Variants in NCOA2 observed in about 807,000 individuals in gnomAD.
NCOA2 encodes the protein class E basic helix-loop-helix protein 75.
In NCOA2, 21 loss-of-function variants were observed where a neutral mutation model predicts 145.1. That is an observed-to-expected ratio of 0.14 (90% CI 0.10 to 0.21). The LOEUF is 0.21. NCOA2 is among the 10% of genes least tolerant of loss of function. The pLI, the probability that NCOA2 is intolerant of heterozygous loss-of-function variation, is 1.00. For missense variants in NCOA2, 1,472 were observed against 1,837.6 expected (o/e 0.80, Z 3.64); for synonymous variants, 619 against 637.5 (o/e 0.97, Z 0.44).
the NCOA2 span, among the ~76,000 whole-genome samples, chr8:70,414,607 G>A: frequency 6.6e-6 from 1 of 152,144 alleles, no homozygotes; most frequent in Non-Finnish European, 1.5e-5. Flanking sequence ...GCATATGATG[G>A]TTATGTTTTA....
At chr8:70,348,528 G>A (rs1808882309) in intron 1 of NCOA2, among the ~76,000 whole-genome samples, 1 of 152,206 alleles carries the variant, frequency 6.6e-6, no homozygotes, top group South Asian at 2.1e-4. Context: ...AGACAGGGAG[G>A]TGTTACAGTA....
At chr8:70,211,093 G>A (rs1818968920) in intron 4 of NCOA2, among the ~76,000 whole-genome samples, 1 of 152,076 alleles carries the variant, frequency 6.6e-6, no homozygotes, top group Non-Finnish European at 1.5e-5. Context: ...AAATCAAACT[G>A]GCCCAAACAG....
chr8:70,390,625 G>A (rs1264156399), intron 1 of NCOA2, among the ~76,000 whole-genome samples: 1 of 151,772 alleles, frequency 6.6e-6, no homozygotes, highest in Non-Finnish European at 1.5e-5. Flanking sequence ...AAATTAGTCG[G>A]ACATAGTGGC....
At chr8:70,267,012 T>G (rs1161597849) in intron 2 of NCOA2, among the ~76,000 whole-genome samples, 1 of 152,248 alleles carries the variant, frequency 6.6e-6, no homozygotes, top group Non-Finnish European at 1.5e-5. Context: ...TCTAATTTTT[T>G]GACCCAAAAT....
intron 13 of NCOA2, among the ~76,000 whole-genome samples, chr8:70,142,677 T>A (rs1215122245): frequency 1.3e-5 from 2 of 152,232 alleles, no homozygotes; most frequent in South Asian, 4.1e-4. Context: ...CCAGCCTGGG[T>A]GACAAAGTAA....
At chr8:70,417,420 G>A in the NCOA2 span, among the ~76,000 whole-genome samples, 306 of 151,766 alleles carry the variant, frequency 2.0e-3, 1 homozygote, top group African/African-American at 7.1e-3. Context: ...ATGGTGGTGG[G>A]CGCCTGTAAT....
Position 70,156,073 on chromosome 8 carries a change from G to A in NCOA2, c.2292C>T (p.Pro764=), listed in dbSNP as rs1812255053. 6.2e-7 allele frequency: 1 copy of A among 1,613,760 alleles called. No individual in the cohort carries two copies. Among genetic ancestry groups the A allele is most frequent in the Non-Finnish European group, 8.5e-7 (1 of 1,179,846 alleles). ...TCTTACTGTCCAGTCTCTCAAGTTT[G>A]GGGGTTATTTCTGGTAAACCAATAT... The part of the protein sequence containing the change: ...TKDIGLPEIT[P]KLERLDSKTD... Residue 764 remains proline (P), a synonymous_variant, in exon 11 of 23, where the codon CCC becomes CCT. Coordinates refer to ENST00000452400, the MANE Select transcript of NCOA2 (RefSeq NM_006540.4).
chr8:70,274,438 C>A (rs1250080402), intron 2 of NCOA2, among the ~76,000 whole-genome samples: 6 of 152,180 alleles, frequency 3.9e-5, no homozygotes, highest in African/African-American at 1.4e-4. Flanking sequence ...ATCTTGCCAT[C>A]TGTAAGTGCT....
chr8:70,230,140 A>G (rs903929339), intron 2 of NCOA2, among the ~76,000 whole-genome samples: 1 of 152,216 alleles, frequency 6.6e-6, no homozygotes, highest in Admixed American at 6.5e-5. Context: ...GTTACGCTAG[A>G]AAGATTAGCA....
At chr8:70,180,384 C>T (rs758421280) in intron 4 of NCOA2, among the ~76,000 whole-genome samples, 7 of 152,110 alleles carry the variant, frequency 4.6e-5, no homozygotes, top group African/African-American at 1.7e-4. Flanking sequence ...CATTTGCCCG[C>T]GCTCCAGAAA....
At chr8:70,115,263 G>A (rs1026476166) in intron 22 of NCOA2, among the ~76,000 whole-genome samples, 2 of 152,112 alleles carry the variant, frequency 1.3e-5, no homozygotes, top group African/African-American at 4.8e-5. Context: ...CAATTCTCCT[G>A]CCTCAGCCTC....
At chr8:70,171,463 T>A (rs1198847029) in intron 5 of NCOA2, among the ~76,000 whole-genome samples, 2 of 152,188 alleles carry the variant, frequency 1.3e-5, no homozygotes, top group African/African-American at 4.8e-5. Flanking sequence ...CTTCCCATCA[T>A]GTTTACCTTG....
intron 15 of NCOA2, among the ~76,000 whole-genome samples, chr8:70,132,385 T>G (rs1019779880): frequency 6.6e-6 from 1 of 152,162 alleles, no homozygotes; most frequent in African/African-American, 2.4e-5. Context: ...TTTTCTGCCC[T>G]TTAGTAGGAA....
rs780048894 is a variant in NCOA2 at position 70,141,367 on chromosome 8, T to C, written c.2845A>G (p.Met949Val). 2 of 1,613,896 alleles carry C rather than the reference T, an allele frequency of 1.2e-6. No individual in the cohort carries two copies. The highest frequency in any genetic ancestry group is 2.2e-5 in the East Asian group (1 of 44,862). Residue 949 changes from methionine to valine, a missense_variant, in exon 14 of 23, where the codon ATG becomes GTG. Met to Val is a conservative substitution (Grantham distance 21). Around this residue, in one of 4 missense-constraint regions of NCOA2, gnomAD observed 953 missense variants for 1,062.1 expected, o/e 0.90. Transcript: ENST00000452400. The part of the protein sequence containing the change: ...MIGNSASRPT[M>V]PSGEWAPQSS... ...TGCGGTGCCCATTCTCCAGATGGCA[T>C]AGTAGGCCGAGAAGCACTGTTACCA...
chr8:70,136,310 C>T (rs773248953), intron 15 of NCOA2, among the ~76,000 whole-genome samples: 4 of 151,742 alleles, frequency 2.6e-5, no homozygotes, highest in Non-Finnish European at 5.9e-5. Flanking sequence ...TGCAGTGAGC[C>T]GAGACCACAC....
In NCOA2 at chr8:70,322,276, A is replaced by G. The variant is rs571567414; in HGVS notation, c.-76-25476T>C. On this transcript the variant is annotated intron_variant, in intron 1 of 22. Transcript: ENST00000452400. ...TTCTTACTGAAATCTGCTACTTTCA[A>G]CCAAGTCATTATGCCTCGAGAGCTC... Among the ~76,000 whole-genome samples, 62 of 152,320 alleles carry G rather than the reference A, an allele frequency of 4.1e-4. 1 individual carries two copies. The highest frequency in any genetic ancestry group is 1.4e-3 in the African/African-American group (60 of 41,592).
chr8:70,274,407 C>T (rs886394674), intron 2 of NCOA2, among the ~76,000 whole-genome samples: 8 of 152,174 alleles, frequency 5.3e-5, no homozygotes, highest in South Asian at 2.1e-4. Flanking sequence ...CTGTGAAGGG[C>T]GAGAACCTAC....
At chr8:70,364,492 G>C (rs1006405109) in intron 1 of NCOA2, among the ~76,000 whole-genome samples, 12 of 152,106 alleles carry the variant, frequency 7.9e-5, no homozygotes, top group Admixed American at 3.3e-4. Context: ...CAGCGTCGAG[G>C]AACCTTGCAG....
chr8:70,126,870 T>G lies in NCOA2; in HGVS notation c.3859A>C (p.Ser1287Arg), dbSNP rs778341849. 2 of 1,614,020 alleles carry G rather than the reference T, an allele frequency of 1.2e-6. No homozygotes were observed. The highest frequency in any genetic ancestry group is 4.5e-5 in the East Asian group (2 of 44,886). ...TTTGCCTGGGGAATCCGAGGGTTGCTCATAGTTGCTGGCATACCACTAGGA... is the reference window on the plus strand; with the variant it reads ...TTTGCCTGGGGAATCCGAGGGTTGCGCATAGTTGCTGGCATACCACTAGGA... ...VAPSGMPATM[S>R]NPRIPQANAQ... The change falls in exon 19 of 23, where the codon AGC becomes CGC. Residue 1287 changes from serine (S) to arginine (R), a missense_variant. Ser to Arg is a moderately radical substitution (Grantham distance 110, BLOSUM62 -1). This residue lies in a region of NCOA2 where 232 missense variants were observed against 290.6 expected (regional missense o/e 0.80). Transcript: ENST00000452400.
Sources: gnomAD v4.1 joint callset for allele counts (sites outside exome capture counted in the v4.1 genomes callset) on GRCh38, gnomAD v4.1.1 for gene constraint, gnomAD v4.1.1 regional missense constraint, MANE v1.5 for transcripts, NCBI Gene and HGNC (gene_info 2026-07-23, HGNC 2026-07-21) for gene names.